The following CDON variants were observed in gnomAD, a reference collection of about 807,000 sequenced individuals.
The protein encoded by CDON is cell adhesion molecule-related/down-regulated by oncogenes.
CDON carries 73 observed loss-of-function variants against 120.9 expected under a neutral mutation model. That is an observed-to-expected ratio of 0.60 (90% CI 0.50 to 0.73). CDON has a LOEUF of 0.73. Among genes scored for constraint, CDON ranks in the 30% least tolerant of loss-of-function variants. The probability of loss-of-function intolerance (pLI) is 0.00; values close to 1 mark genes in which losing one functional copy is unlikely to be tolerated. For missense variants in CDON, 1,470 were observed against 1,587.3 expected (o/e 0.93, Z 1.26); for synonymous variants, 566 against 573.5 (o/e 0.99, Z 0.19).
At chr11:126,033,757 C>T (rs1456677655) in intron 1 of CDON, among the ~76,000 whole-genome samples, 1 of 152,116 alleles carries the variant, frequency 6.6e-6, no homozygotes, top group East Asian at 1.9e-4. Flanking sequence ...ATACATCTTC[C>T]ATGATTCTAC....
Position 125,989,747 on chromosome 11 carries a change from C to T in CDON, c.2663G>A (p.Trp888Ter), listed in dbSNP as rs372929321. The T allele has an allele frequency of 1.0e-4, 166 of 1,612,594 alleles. No individual in the cohort carries two copies. The highest frequency in any genetic ancestry group is 1.2e-4 in the Non-Finnish European group (141 of 1,179,106). The change falls in exon 15 of 20, where the codon TGG (tryptophan) becomes TAG (stop). Residue 888 changes from tryptophan to a stop codon, truncating the protein, a stop_gained. Transcript: ENST00000531738. LOFTEE classifies it high-confidence loss of function. Reference sequence around the variant, plus strand: ...TGGCTGCAGGTGGCCAATCATGTGCCACTGCTTTGAACCTAAAAGGAAAAA... The same window carrying T: ...TGGCTGCAGGTGGCCAATCATGTGCTACTGCTTTGAACCTAAAAGGAAAAA... Reference protein sequence around the residue: ...KRDVVEGSKQWHMIGHLQPET... With the variant: ...KRDVVEGSKQ
intron 8 of CDON, among the ~76,000 whole-genome samples, chr11:126,007,947 G>GT (rs1354446144): frequency 2.0e-5 from 3 of 152,124 alleles, no homozygotes; most frequent in African/African-American, 7.2e-5. Context: ...AAGGTAGAAT[G>GT]TTTTTTGAAT....
rs756667047 is a variant in CDON at position 126,005,998 on chromosome 11, C to A, written c.1612G>T (p.Asp538Tyr). Reference sequence around the variant, plus strand: ...GAACCATCTCTCTTACTTCTGTCATCATTCTGAGCAGCATCAGGAAGTGTG... The same window carrying A: ...GAACCATCTCTCTTACTTCTGTCATAATTCTGAGCAGCATCAGGAAGTGTG... ...TVTLPDAAQN[D>Y]DRSKRDGSET... The change falls in exon 9 of 20, where the codon GAT becomes TAT. Residue 538 changes from aspartate (D) to tyrosine (Y), a missense_variant. Transcript: ENST00000531738. 21 of 1,614,128 alleles carry A rather than the reference C, an allele frequency of 1.3e-5. No homozygotes were observed. Among genetic ancestry groups the A allele is most frequent in the Non-Finnish European group, 1.8e-5 (21 of 1,180,006 alleles).
intron 1 of CDON, among the ~76,000 whole-genome samples, chr11:126,059,533 A>G (rs1401245979): frequency 8.6e-6 from 1 of 116,034 alleles, no homozygotes; most frequent in Non-Finnish European, 1.7e-5. Context: ...CCCTCTGCAC[A>G]CACACACATA....
chr11:125,987,776 A>G (rs1946510679), intron 15 of CDON, among the ~76,000 whole-genome samples: 1 of 152,244 alleles, frequency 6.6e-6, no homozygotes, highest in African/African-American at 2.4e-5. Context: ...CCATGAACAC[A>G]TCACAGCGTC....
At chr11:126,026,615 T>G (rs185467936) in intron 1 of CDON, among the ~76,000 whole-genome samples, 15 of 152,342 alleles carry the variant, frequency 9.8e-5, no homozygotes, top group African/African-American at 3.6e-4. Context: ...CTCAAGTTTC[T>G]CTAGCTCGTG....
At chr11:126,031,495 T>C (rs1375803149) in intron 1 of CDON, among the ~76,000 whole-genome samples, 1 of 152,230 alleles carries the variant, frequency 6.6e-6, no homozygotes. Context: ...TTTTAGACTT[T>C]ACACCACGTC....
At chr11:126,014,949 AACTG>A (rs1397066901) in intron 7 of CDON, 3 of 392,718 alleles carry the variant, frequency 7.6e-6, no homozygotes, top group African/African-American at 4.0e-5. Flanking sequence ...TAAAGAGAGG[AACTG>A]ACTGTCTAGG....
intron 1 of CDON, among the ~76,000 whole-genome samples, chr11:126,051,001 C>T (rs969495562): frequency 5.3e-5 from 8 of 152,008 alleles, no homozygotes; most frequent in African/African-American, 9.7e-5. Flanking sequence ...ATGGGGACTT[C>T]GCCTACTCGA....
chr11:125,996,081 C>A (rs1444554363), intron 12 of CDON, among the ~76,000 whole-genome samples: 2 of 151,936 alleles, frequency 1.3e-5, no homozygotes, highest in African/African-American at 2.4e-5. Flanking sequence ...CTGAGTATTA[C>A]AACCGTGCTG....
Position 125,960,026 on chromosome 11 carries a change from C to G in CDON, c.*916G>C, listed in dbSNP as rs79576369. The G allele has an allele frequency of 6.6e-6, 1 of 152,332 alleles. No individual in the cohort carries two copies. The highest frequency in any genetic ancestry group is 1.9e-4 in the East Asian group (1 of 5,192). 9.4% of individuals were successfully genotyped at this position (152,332 alleles called of 1,614,324 possible). A position where few individuals can be genotyped will look rare whatever the true frequency, so the allele number is the denominator to read the frequency against. ...TTCATCAAGACCTTACACTCCACCA[C>G]GTCCATAACACTATGACTAGTGCCT... On this transcript the variant is annotated 3_prime_UTR_variant, in exon 20 of 20. Transcript: ENST00000531738.
chr11:126,008,245 C>A (rs531158202), intron 8 of CDON, among the ~76,000 whole-genome samples: 3 of 152,142 alleles, frequency 2.0e-5, no homozygotes, highest in Non-Finnish European at 4.4e-5. Flanking sequence ...CTCTCTCTAA[C>A]CTAGCTTGCT....
intron 18 of CDON, among the ~76,000 whole-genome samples, chr11:125,974,080 G>C (rs532870317): frequency 3.8e-4 from 58 of 151,928 alleles, no homozygotes; most frequent in African/African-American, 1.3e-3. Context: ...ATTTTTAGTA[G>C]AGATGGGGTT....
At chr11:126,016,894 T>A (rs537496830) in intron 6 of CDON, among the ~76,000 whole-genome samples, 194 bp downstream of exon 6, 1 of 152,108 alleles carries the variant, frequency 6.6e-6, no homozygotes, top group African/African-American at 2.4e-5. Flanking sequence ...GAATATTCCA[T>A]GCGAAATGCT....
intron 18 of CDON, among the ~76,000 whole-genome samples, chr11:125,967,447 C>A (rs1317666794): frequency 1.3e-5 from 2 of 152,132 alleles, no homozygotes; most frequent in African/African-American, 4.8e-5. Context: ...TATTATCTGT[C>A]TGCTTCAAAG....
intron 18 of CDON, among the ~76,000 whole-genome samples, chr11:125,968,269 G>C (rs1945862430): frequency 6.6e-6 from 1 of 152,160 alleles, no homozygotes; most frequent in South Asian, 2.1e-4. Flanking sequence ...TGCCCTCAAA[G>C]CCTTCTGCTT....
chr11:125,995,978 G>T (rs1946769394), intron 12 of CDON, among the ~76,000 whole-genome samples: 1 of 152,164 alleles, frequency 6.6e-6, no homozygotes. Context: ...ATAGCCTCAA[G>T]ATTCTTGTGG....
chr11:126,009,347 ACTGCT>A lies in CDON; in HGVS notation c.1552+989_1552+993del, dbSNP rs142995549. On this transcript the variant is annotated intron_variant, in intron 8 of 19. Transcript: ENST00000531738. ...CTCTGCCAAGGACCCCCCGTTGACCACTGCTCTGGCTAAGGGTGCCCACACACTGG... is the reference window on the plus strand; with the variant it reads ...CTCTGCCAAGGACCCCCCGTTGACCACTGGCTAAGGGTGCCCACACACTGG... Among the ~76,000 whole-genome samples, 7 of 152,290 alleles carry A rather than the reference ACTGCT, an allele frequency of 4.6e-5. No individual in the cohort carries two copies. The East Asian group carries it at 1.4e-3, about 29-fold the overall frequency.
upstream of CDON, chr11:126,063,100 G>C (rs948455613): frequency 2.0e-5 from 3 of 152,234 alleles, no homozygotes; most frequent in Non-Finnish European, 4.4e-5. Flanking sequence ...AGTGACGGAG[G>C]GGGGCACGCT....
Sources: gnomAD v4.1 joint callset for allele counts (sites outside exome capture counted in the v4.1 genomes callset) on GRCh38, gnomAD v4.1.1 for gene constraint, MANE v1.5 for transcripts, NCBI Gene and HGNC (gene_info 2026-07-23, HGNC 2026-07-21) for gene names.